The following TRPV1 variants were observed in gnomAD, a reference collection of about 807,000 sequenced individuals.
TRPV1 encodes the protein OTRPC1.
A neutral mutation model predicts 82.3 loss-of-function variants in TRPV1; 82 were observed. That is an observed-to-expected ratio of 1.00 (90% confidence interval 0.83 to 1.20). TRPV1 has a LOEUF of 1.20. TRPV1 is among the 50% of genes most tolerant of loss of function. The pLI is 0.00. For synonymous variants in TRPV1, 515 were observed against 467.7 expected (o/e 1.10, Z -1.30); for missense variants, 1,067 against 1,096.8 (o/e 0.97, Z 0.38).
chr17:3,572,284 G>C (rs2074865259), intron 14 of TRPV1, 35 bp from the exon 15 acceptor site: 1 of 1,579,994 alleles, frequency 6.3e-7, no homozygotes, highest in African/African-American at 1.3e-5. Context: ...GGAGCTGAGG[G>C]GCAGAGGGTG....
chr17:3,575,342 G>A (rs2074915419), intron 13 of TRPV1, among the ~76,000 whole-genome samples: 1 of 152,046 alleles, frequency 6.6e-6, no homozygotes, highest in Non-Finnish European at 1.5e-5. Context: ...AATTAGCCGG[G>A]CGTGATGATG....
At chr17:3,573,588 CACACTCTCCGCGCCACTCA>C in intron 14 of TRPV1, 26 bp downstream of exon 14, 1 of 1,507,170 alleles carries the variant, frequency 6.6e-7, no homozygotes, top group Non-Finnish European at 8.9e-7. Context: ...CAGAGCCGCC[CACACTCTCCGCGCCACTCA>C]CCACCCCCCA....
At position 3,585,812 on chromosome 17, in the gene TRPV1, T is replaced by A; in HGVS notation, c.1339A>T (p.Ile447Phe). 1 of 1,613,600 alleles carries A rather than the reference T, an allele frequency of 6.2e-7. No homozygotes were observed. Among genetic ancestry groups the A allele is most frequent in the Non-Finnish European group, 8.5e-7 (1 of 1,179,796 alleles). Residue 447 changes from isoleucine to phenylalanine, a missense_variant, in exon 9 of 17, where the codon ATC becomes TTC. Ile to Phe is a conservative substitution (Grantham distance 21). Coordinates refer to ENST00000572705, the MANE Select transcript of TRPV1 (RefSeq NM_080704.4). ...FNFLVYCLYM[I>F]IFTMAAYYRP... ...TAGTAGGCAGCCATGGTGAAGATGA[T>A]CATGTACAGGCAGTAGACCAGGAAG... is the stretch of plus-strand genomic sequence containing the variant.
At chr17:3,568,678 C>T (rs1167607283) in intron 16 of TRPV1, among the ~76,000 whole-genome samples, 1 of 152,112 alleles carries the variant, frequency 6.6e-6, no homozygotes, top group Non-Finnish European at 1.5e-5. Flanking sequence ...AGAGATAGGA[C>T]ATCAGGCAGT....
At chr17:3,577,820 C>T in intron 11 of TRPV1, 57 bp from the exon 12 acceptor site, 1 of 1,530,130 alleles carries the variant, frequency 6.5e-7, no homozygotes, top group Non-Finnish European at 8.9e-7. Context: ...CCTGGCACCC[C>T]CAGAACAAAA....
intron 11 of TRPV1, chr17:3,578,830 G>C (rs1292110300): frequency 6.6e-6 from 1 of 152,166 alleles, no homozygotes; most frequent in Non-Finnish European, 1.5e-5. Flanking sequence ...ATATACCATG[G>C]AATACTATGC....
Position 3,565,527 on chromosome 17 carries a change from G to A in TRPV1, c.*1288C>T, listed in dbSNP as rs2074749294. ...GTGCCATTGCGGAGAAGCAGGACTG[G>A]GGTTCCTAGAAATGGAAGATCTTTC... On this transcript the variant is annotated 3_prime_UTR_variant, in exon 17 of 17. Coordinates refer to ENST00000572705, the MANE Select transcript of TRPV1 (RefSeq NM_080704.4). 4 of 152,356 alleles carry A rather than the reference G, an allele frequency of 2.6e-5. No individual in the cohort carries two copies. The highest frequency in any genetic ancestry group is 7.2e-5 in the African/African-American group (3 of 41,578). The allele number at this position is 152,356 out of a possible 1,614,324, so 9.4% of individuals were successfully genotyped here.
rs185198125 is a variant in TRPV1, at chr17:3,600,588, A to C, written c.-34+7839T>G. On this transcript the variant is annotated intron_variant, in intron 2 of 16. Coordinates refer to ENST00000572705, the MANE Select transcript of TRPV1 (RefSeq NM_080704.4). ...CGGGCTACAGAGCGAGACTCCATTT[A>C]AAAAAAACAAAACGAAACAAAACAA... Among the ~76,000 whole-genome samples, 143 of 139,372 alleles carry C rather than the reference A, an allele frequency of 1.0e-3. 5 individuals are homozygous for C. The East Asian group carries it at 0.025, about 25-fold the overall frequency. 91.4% of individuals were successfully genotyped at this position (139,372 alleles called of 152,430 possible).
rs768491525 is a variant in TRPV1, at chr17:3,589,827, C to T, written c.1024G>A (p.Ala342Thr). 8.1e-6 allele frequency: 13 copies of T among 1,613,216 alleles called. No homozygotes were observed. In the Admixed American group the frequency reaches 2.2e-4, roughly 27 times the overall value. Reference protein sequence around the residue: ...KKGMTPLALAAGTGKIGVLAY... With the variant: ...KKGMTPLALATGTGKIGVLAY... ...CTTACCCCGATCTTCCCGGTCCCAGCTGCCAGAGCCAGCGGCGTCATTCCC... is the reference window on the plus strand; with the variant it reads ...CTTACCCCGATCTTCCCGGTCCCAGTTGCCAGAGCCAGCGGCGTCATTCCC... Residue 342 changes from alanine to threonine, a missense_variant, in exon 7 of 17, where the codon GCT (alanine) becomes ACT (threonine). Coordinates refer to ENST00000572705, the MANE Select transcript of TRPV1 (RefSeq NM_080704.4).
At chr17:3,592,724 T>G in intron 2 of TRPV1, 1 of 231,830 alleles carries the variant, frequency 4.3e-6, no homozygotes, top group Non-Finnish European at 8.5e-6. Context: ...AGGGTGAGGT[T>G]GATAACCACC....
At chr17:3,596,910 G>A (rs1285097747) in intron 2 of TRPV1, 1 of 152,318 alleles carries the variant, frequency 6.6e-6, no homozygotes, top group African/African-American at 2.4e-5. Context: ...ACAAAGAAAG[G>A]GACTCACCAG....
chr17:3,598,713 G>C (rs55865244), intron 2 of TRPV1, among the ~76,000 whole-genome samples: 32,950 of 150,790 alleles, frequency 0.22, 3,972 homozygotes, highest in South Asian at 0.29. Context: ...TTACAGGCAC[G>C]TGCCACCACG....
rs2074942057 is a variant in TRPV1, at chr17:3,577,069, A to G, written c.1780+57T>C. 2.0e-6 allele frequency: 3 copies of G among 1,531,294 alleles called. No individual in the cohort carries two copies. In the South Asian group the frequency reaches 3.6e-5, roughly 18 times the overall value. 94.9% of individuals were successfully genotyped at this position (1,531,294 alleles called of 1,614,324 possible). A position where few individuals can be genotyped will look rare whatever the true frequency, so the allele number is the denominator to read the frequency against. On this transcript the variant is annotated intron_variant, in intron 13 of 16. Transcript: ENST00000572705. The stretch of plus-strand genomic sequence containing the variant: ...TCATTCAGCTCCTGGCAGAGTCTTC[A>G]GAAGGCTCAGCCAAGCAGGACCCCT...
chr17:3,571,093 C>T (rs1035757401), intron 16 of TRPV1, among the ~76,000 whole-genome samples: 3 of 152,208 alleles, frequency 2.0e-5, no homozygotes, highest in African/African-American at 7.2e-5. Context: ...CCAGATGTGT[C>T]CATGAGTGAC....
chr17:3,585,607 G>T, intron 9 of TRPV1, 161 bp downstream of exon 9: 1 of 838,006 alleles, frequency 1.2e-6, no homozygotes, highest in Non-Finnish European at 1.8e-6. Flanking sequence ...GATGGGCGCA[G>T]GGATACGAGG....
intron 2 of TRPV1, among the ~76,000 whole-genome samples, chr17:3,602,868 T>A (rs2075273473): frequency 6.6e-6 from 1 of 152,194 alleles, no homozygotes; most frequent in Non-Finnish European, 1.5e-5. Context: ...ACGCCCGTAA[T>A]CCCAGCACTT....
chr17:3,568,533 G>A (rs916248659), intron 16 of TRPV1, among the ~76,000 whole-genome samples: 5 of 152,100 alleles, frequency 3.3e-5, no homozygotes, highest in African/African-American at 7.2e-5. Flanking sequence ...TGGAACCCTC[G>A]AGCAGTTTTC....
chr17:3,600,584 A>G (rs2150858175), intron 2 of TRPV1, among the ~76,000 whole-genome samples: 1 of 150,694 alleles, frequency 6.6e-6, no homozygotes, highest in East Asian at 1.9e-4. Context: ...GCGAGACTCC[A>G]TTTAAAAAAA....
chr17:3,566,606 C>G lies in TRPV1; in HGVS notation c.*209G>C. 1 of 534,798 alleles carries G rather than the reference C, an allele frequency of 1.9e-6. No homozygotes were observed. The highest frequency in any genetic ancestry group is 3.2e-6 in the Non-Finnish European group (1 of 310,434). 33.1% of individuals were successfully genotyped at this position (534,798 alleles called of 1,614,324 possible). A position where few individuals can be genotyped will look rare whatever the true frequency, so the allele number is the denominator to read the frequency against. On this transcript the variant is annotated 3_prime_UTR_variant, in exon 17 of 17. Coordinates refer to ENST00000572705, the MANE Select transcript of TRPV1 (RefSeq NM_080704.4). ...AAACCTGAAAGTCTGTTAGGAGATT[C>G]ACTTGGGGACAGTGACGGTTGGATG...
Sources: allele counts gnomAD v4.1 joint callset (sites outside exome capture counted in the v4.1 genomes callset), GRCh38; gene constraint gnomAD v4.1.1; transcripts MANE v1.5; gene names NCBI Gene and HGNC (gene_info 2026-07-23, HGNC 2026-07-21).